Variants in TOX3 observed in about 807,000 individuals in gnomAD.
TOX3 encodes the protein CAG trinucleotide repeat-containing gene F9 protein.
TOX3 carries 22 observed loss-of-function variants against 64.3 expected under a neutral mutation model. The ratio of observed to expected loss-of-function variants is 0.34; its 90% CI spans 0.24 to 0.49. The LOEUF (loss-of-function observed/expected upper bound fraction) is 0.49, where lower values mean the gene tolerates loss of function less well. Ranked by LOEUF, TOX3 falls within the 20% of genes least tolerant of loss-of-function variation. TOX3 has a pLI of 0.99. For missense variants in TOX3, 661 were observed against 714.4 expected, an observed-to-expected ratio of 0.93 and a Z score of 0.85; for synonymous variants, 291 against 273.6, an observed-to-expected ratio of 1.06 and a Z score of -0.63.
chr16:52,439,426 C>A lies in TOX3; in HGVS notation c.1530G>T (p.Leu510=). Residue 510 remains leucine, a synonymous_variant, in exon 7 of 7, where the codon CTG becomes CTT. Transcript: ENST00000219746. ...QINQQQLQQQ[L]QQRLQLQQLQ... Reference sequence around the variant, plus strand: ...GCTGCTGCAGCTGGAGGCGCTGCTGCAGCTGCTGCTGCAGCTGCTGTTGAT... The same window carrying A: ...GCTGCTGCAGCTGGAGGCGCTGCTGAAGCTGCTGCTGCAGCTGCTGTTGAT... The A allele has an allele frequency of 6.4e-7, 1 of 1,553,634 alleles. No homozygotes were observed. Among genetic ancestry groups the A allele is most frequent in the Non-Finnish European group, 8.7e-7 (1 of 1,143,572 alleles).
At chr16:52,509,892 C>T (rs552778141) in intron 1 of TOX3, among the ~76,000 whole-genome samples, 1 of 151,920 alleles carries the variant, frequency 6.6e-6, no homozygotes, top group African/African-American at 2.4e-5. Flanking sequence ...AGTCTAAGAC[C>T]GAGAGCAGTG....
intron 1 of TOX3, among the ~76,000 whole-genome samples, chr16:52,477,864 G>A (rs1021816681): frequency 1.6e-4 from 24 of 152,228 alleles, no homozygotes; most frequent in African/African-American, 5.5e-4. Flanking sequence ...AAGAGACAGA[G>A]TCTTGCTCTG....
chr16:52,530,184 C>T (rs372470181), intron 1 of TOX3, among the ~76,000 whole-genome samples: 5 of 152,306 alleles, frequency 3.3e-5, no homozygotes, highest in African/African-American at 1.2e-4. Flanking sequence ...CATATGTTGG[C>T]AACATTTATC....
chr16:52,530,591 C>T (rs1350036581), intron 1 of TOX3, among the ~76,000 whole-genome samples: 1 of 152,030 alleles, frequency 6.6e-6, no homozygotes, highest in Admixed American at 6.5e-5. Flanking sequence ...AGGTGATATG[C>T]CCTGCCTCGG....
Position 52,450,279 on chromosome 16 carries a change from T to G in TOX3, c.676A>C (p.Arg226=). 1 of 1,614,018 alleles carries G rather than the reference T, an allele frequency of 6.2e-7. No homozygotes were observed. Among genetic ancestry groups the G allele is most frequent in the Non-Finnish European group, 8.5e-7 (1 of 1,179,882 alleles). The change falls in exon 4 of 7, where the codon AGA becomes CGA. Residue 226 remains arginine, a splice_region_variant and synonymous_variant. Transcript: ENST00000219746. ...ACACTAAGGCAGTTCTAACTTACTC[T>G]GTTGGCTTCATCAGCATCCTCTTCA... is the stretch of plus-strand genomic sequence containing the variant. The part of the protein sequence containing the change: ...INEEDADEAN[R]AIGEKRAAPD...
At chr16:52,516,043 A>G (rs1202980369) in intron 1 of TOX3, among the ~76,000 whole-genome samples, 1 of 152,132 alleles carries the variant, frequency 6.6e-6, no homozygotes, top group Non-Finnish European at 1.5e-5. Flanking sequence ...TTTTAAAAAA[A>G]TCCTCAAAGA....
At chr16:52,445,215 T>C (rs760932076) in intron 5 of TOX3, 32 of 152,252 alleles carry the variant, frequency 2.1e-4, no homozygotes, top group Non-Finnish European at 3.8e-4. Flanking sequence ...TGAAATAAGT[T>C]CATGATTTGT....
chr16:52,503,353 T>C (rs762195807), intron 1 of TOX3, among the ~76,000 whole-genome samples: 5 of 152,302 alleles, frequency 3.3e-5, no homozygotes, highest in Non-Finnish European at 5.9e-5. Flanking sequence ...CCTCACCTCA[T>C]AGGGTCACTC....
chr16:52,523,791 C>G (rs573246243), intron 1 of TOX3, among the ~76,000 whole-genome samples: 3 of 152,058 alleles, frequency 2.0e-5, no homozygotes, highest in African/African-American at 7.2e-5. Context: ...ATTTTGAAAT[C>G]CATTGTGCCA....
chr16:52,447,520 G>A (rs972024017), intron 4 of TOX3, among the ~76,000 whole-genome samples: 2 of 152,122 alleles, frequency 1.3e-5, no homozygotes, highest in African/African-American at 4.8e-5. Context: ...CTACCTCTAG[G>A]TGAGCCTACT....
chr16:52,450,641 T>C (rs771646829), intron 3 of TOX3, 95 bp from the exon 4 acceptor site: 27 of 1,490,330 alleles, frequency 1.8e-5, no homozygotes, highest in Non-Finnish European at 2.5e-5. Flanking sequence ...GTTTGAACTG[T>C]TGCAATGTTG....
At chr16:52,441,856 G>C (rs1318303863) in intron 6 of TOX3, among the ~76,000 whole-genome samples, 2 of 152,158 alleles carry the variant, frequency 1.3e-5, no homozygotes, top group Non-Finnish European at 2.9e-5. Context: ...AAAACTCAGT[G>C]GGGCTGCATG....
chr16:52,536,513 A>T (rs1191174694), intron 1 of TOX3, among the ~76,000 whole-genome samples: 1 of 150,420 alleles, frequency 6.6e-6, no homozygotes, highest in Non-Finnish European at 1.5e-5. Context: ...ATGAGGTAGG[A>T]AAAGTACACA....
Position 52,439,910 on chromosome 16 carries a change from G to A in TOX3, c.1046C>T (p.Ser349Leu), listed in dbSNP as rs779154429. The change falls in exon 7 of 7, where the codon TCG (serine) becomes TTG (leucine). Residue 349 changes from serine (S) to leucine (L), a missense_variant. Physicochemically the swap from Ser to Leu is moderately radical, Grantham distance 145. Around this residue, in one of 3 missense-constraint regions of TOX3, gnomAD observed 299 missense variants for 292.1 expected, o/e 1.02. Transcript: ENST00000219746. ...TIRSVQQTLA[S>L]TNLTSSLLLN... ...AAGGAGAGAGGATGTTAGATTGGTCGACGCCAGGGTCTGCTGAACAGAACG... is the reference window on the plus strand; with the variant it reads ...AAGGAGAGAGGATGTTAGATTGGTCAACGCCAGGGTCTGCTGAACAGAACG... 1.1e-5 allele frequency: 17 copies of A among 1,608,288 alleles called. No homozygotes were observed. Among genetic ancestry groups the A allele is most frequent in the South Asian group, 2.2e-5 (2 of 89,890 alleles).
At chr16:52,478,369 T>C (rs956336704) in intron 1 of TOX3, among the ~76,000 whole-genome samples, 1 of 152,184 alleles carries the variant, frequency 6.6e-6, no homozygotes, top group Non-Finnish European at 1.5e-5. Context: ...CTTCTATCCC[T>C]ACTTTACGCA....
chr16:52,467,928 G>A (rs1226776220), intron 2 of TOX3, among the ~76,000 whole-genome samples: 1 of 152,158 alleles, frequency 6.6e-6, no homozygotes, highest in Non-Finnish European at 1.5e-5. Context: ...GAGCATGCCA[G>A]CCACTCATTC....
chr16:52,536,910 A>G (rs922156866), intron 1 of TOX3, among the ~76,000 whole-genome samples: 3 of 151,148 alleles, frequency 2.0e-5, no homozygotes, highest in Middle Eastern at 3.4e-3. Context: ...TACATATTTT[A>G]TATATATATG....
chr16:52,489,765 T>C (rs1413466935), intron 1 of TOX3, among the ~76,000 whole-genome samples: 1 of 152,152 alleles, frequency 6.6e-6, no homozygotes, highest in Admixed American at 6.5e-5. Flanking sequence ...TCTTTACCAA[T>C]CTCAGATATG....
At chr16:52,461,516 C>G (rs1035787121) in intron 3 of TOX3, among the ~76,000 whole-genome samples, 2 of 152,010 alleles carry the variant, frequency 1.3e-5, no homozygotes, top group African/African-American at 4.8e-5. Context: ...TGCAGCTAAT[C>G]AGTAATGTGA....
Sources: gnomAD v4.1 joint callset for allele counts (sites outside exome capture counted in the v4.1 genomes callset) on GRCh38, gnomAD v4.1.1 for gene constraint, gnomAD v4.1.1 regional missense constraint, MANE v1.5 for transcripts, NCBI Gene and HGNC (gene_info 2026-07-23, HGNC 2026-07-21) for gene names.